MAD1L1: variants seen among roughly 807,000 people sequenced by gnomAD.
MAD1L1 encodes the protein mitotic spindle assembly checkpoint protein MAD1.
A neutral mutation model predicts 96.9 loss-of-function variants in MAD1L1; 95 were observed. The observed-to-expected ratio is 0.98, with a 90% confidence interval of 0.83 to 1.16. The LOEUF (loss-of-function observed/expected upper bound fraction) is 1.16. Ranked by LOEUF, MAD1L1 falls within the 50% of genes most tolerant of loss-of-function variation. MAD1L1 has a pLI of 0.00. For synonymous variants in MAD1L1, 473 were observed against 396.6 expected (o/e 1.19, Z -2.29); for missense variants, 1,007 against 954.4 (o/e 1.06, Z -0.73).
intron 16 of MAD1L1, among the ~76,000 whole-genome samples, chr7:1,949,242 G>A (rs1251751494): frequency 6.6e-6 from 1 of 152,158 alleles, no homozygotes; most frequent in African/African-American, 2.4e-5. Flanking sequence ...TGGTGGCTAT[G>A]GTGACCTACC....
intron 17 of MAD1L1, among the ~76,000 whole-genome samples, chr7:1,925,532 A>G (rs1789038839): frequency 1.3e-5 from 2 of 152,230 alleles, no homozygotes; most frequent in African/African-American, 4.8e-5. Context: ...GGGCAGATAC[A>G]GAGAGCCAAC....
chr7:2,164,924 G>A (rs1790351042), intron 10 of MAD1L1, among the ~76,000 whole-genome samples: 1 of 152,224 alleles, frequency 6.6e-6, no homozygotes, highest in Non-Finnish European at 1.5e-5. Context: ...GGCCGGATCT[G>A]GAGAAGAGTG....
At chr7:2,010,378 A>T (rs1782240757) in intron 13 of MAD1L1, among the ~76,000 whole-genome samples, 1 of 152,116 alleles carries the variant, frequency 6.6e-6, no homozygotes, top group Non-Finnish European at 1.5e-5. Context: ...CTGCAACCTG[A>T]AACGGGGATT....
chr7:1,923,110 G>A (rs1273898921), intron 17 of MAD1L1, among the ~76,000 whole-genome samples: 2 of 152,164 alleles, frequency 1.3e-5, no homozygotes, highest in African/African-American at 4.8e-5. Flanking sequence ...TAAGTGTTTG[G>A]TAGAATTCAC....
intron 13 of MAD1L1, among the ~76,000 whole-genome samples, chr7:2,006,413 G>A (rs953651133): frequency 5.3e-5 from 8 of 152,132 alleles, no homozygotes; most frequent in African/African-American, 1.9e-4. Flanking sequence ...GTGGAGGGAG[G>A]GTGTGAGAAG....
intron 18 of MAD1L1, among the ~76,000 whole-genome samples, chr7:1,831,466 C>A (rs62435120): frequency 0.33 from 50,208 of 150,962 alleles, 8,572 homozygotes; most frequent in Non-Finnish European, 0.41. Flanking sequence ...AAACCAGGCC[C>A]ATTAATAACC....
intron 16 of MAD1L1, among the ~76,000 whole-genome samples, chr7:1,944,474 T>TGGCG (rs1779140413): frequency 1.3e-5 from 2 of 152,156 alleles, no homozygotes; most frequent in Non-Finnish European, 2.9e-5. Flanking sequence ...AACCAGCCTC[T>TGGCG]TCCTTTGCAT....
intron 18 of MAD1L1, among the ~76,000 whole-genome samples, chr7:1,835,795 TTTC>T (rs1782911837): frequency 6.6e-6 from 1 of 152,222 alleles, no homozygotes; most frequent in African/African-American, 2.4e-5. Flanking sequence ...TTATACTGTA[TTTC>T]TTGATTATAT....
At position 1,865,424 on chromosome 7, in the gene MAD1L1, G is replaced by A. The variant is rs955007440; in HGVS notation, c.1998+32776C>T. ...TGCTGCTGCCCGGCTGTAGCCCTGAGTGCCCACAGCAGAGCTTTCAGAGGT... is the reference window on the plus strand; with the variant it reads ...TGCTGCTGCCCGGCTGTAGCCCTGAATGCCCACAGCAGAGCTTTCAGAGGT... On this transcript the variant is annotated intron_variant, in intron 18 of 18. Coordinates refer to ENST00000265854, the MANE Select transcript of MAD1L1 (RefSeq NM_001013836.2). 2.0e-5 allele frequency among the ~76,000 whole-genome samples: 3 copies of A among 152,256 alleles called. No homozygotes were observed. The East Asian group carries it at 5.8e-4, about 29-fold the overall frequency.
intron 18 of MAD1L1, among the ~76,000 whole-genome samples, chr7:1,836,599 ATAGAT>A (rs754809980): frequency 6.6e-6 from 1 of 152,230 alleles, no homozygotes; most frequent in Non-Finnish European, 1.5e-5. Context: ...GAAACTGTTC[ATAGAT>A]TAGAAGTTTC....
intron 10 of MAD1L1, among the ~76,000 whole-genome samples, chr7:2,212,249 G>A (rs976683878): frequency 3.3e-5 from 5 of 152,208 alleles, no homozygotes; most frequent in Non-Finnish European, 7.3e-5. Context: ...ACCATCCCCA[G>A]CACCCAGGGT....
chr7:2,171,694 T>G lies in MAD1L1; in HGVS notation c.987-22456A>C, dbSNP rs191241011. Among the ~76,000 whole-genome samples the G allele has an allele frequency of 2.5e-4, 32 of 128,788 alleles. No individual in the cohort carries two copies. In the East Asian group the frequency reaches 5.3e-3, roughly 21 times the overall value. The allele number at this position is 128,788 out of a possible 152,430, so 84.5% of individuals were successfully genotyped here. On this transcript the variant is annotated intron_variant, in intron 10 of 18. Transcript: ENST00000265854. ...GTATAGTCACCTCCGCCATGCAAAG[T>G]ACAGCAGAAAAGTCCAGCAGCTGGA... is the stretch of plus-strand genomic sequence containing the variant.
chr7:1,824,552 C>A (rs546966145), intron 18 of MAD1L1, among the ~76,000 whole-genome samples: 5 of 152,252 alleles, frequency 3.3e-5, no homozygotes, highest in African/African-American at 1.2e-4. Context: ...GAGCTGCTCC[C>A]GGCCTTGTCC....
chr7:2,046,185 G>A (rs1256109396), intron 12 of MAD1L1, among the ~76,000 whole-genome samples: 4 of 152,142 alleles, frequency 2.6e-5, no homozygotes, highest in Non-Finnish European at 4.4e-5. Flanking sequence ...CTGAAGCCCC[G>A]CCCTCCCTAC....
chr7:2,114,411 G>A lies in MAD1L1; in HGVS notation c.1073+34741C>T, dbSNP rs988783323. On this transcript the variant is annotated intron_variant, in intron 11 of 18. Transcript: ENST00000265854. The surrounding 1 kb of genome is among the most constrained non-coding windows in gnomAD (Gnocchi z 4.2). The stretch of plus-strand genomic sequence containing the variant: ...CCAGCCGGGGCCAACACCAGAGGAC[G>A]CCATCCTCCTTAAGGCCACAAAGTG... 3.9e-5 allele frequency among the ~76,000 whole-genome samples: 6 copies of A among 152,204 alleles called. No homozygotes were observed. The highest frequency in any genetic ancestry group is 1.3e-4 in the Admixed American group (2 of 15,276).
chr7:1,965,492 C>T (rs980469042), intron 15 of MAD1L1, among the ~76,000 whole-genome samples: 1 of 152,226 alleles, frequency 6.6e-6, no homozygotes, highest in African/African-American at 2.4e-5. Flanking sequence ...TGCCACCATC[C>T]AGGCAGTGGT....
chr7:1,832,630 T>TTTTGGGGGGGGGGGGGG (rs56664541), intron 18 of MAD1L1, among the ~76,000 whole-genome samples: 1 of 2,346 alleles, frequency 4.3e-4, no homozygotes, highest in African/African-American at 1.8e-3. Flanking sequence ...TTTTTTTTTT[T>TTTTGGGGGGGGGGGGGG]GGCGGGGGGG....
At chr7:1,908,384 GTTTGT>G (rs1212523241) in intron 17 of MAD1L1, among the ~76,000 whole-genome samples, 8 of 152,098 alleles carry the variant, frequency 5.3e-5, no homozygotes, top group Admixed American at 2.0e-4. Flanking sequence ...CTTCAGTTGT[GTTTGT>G]TTTGTTTTTT....
chr7:1,976,129 G>C (rs1459059866), intron 15 of MAD1L1, among the ~76,000 whole-genome samples: 3 of 152,244 alleles, frequency 2.0e-5, no homozygotes, highest in Non-Finnish European at 4.4e-5. Context: ...ATGTGAAAAT[G>C]TGAGTGTGCA....
Sources: allele counts gnomAD v4.1 joint callset (sites outside exome capture counted in the v4.1 genomes callset), GRCh38; gene constraint gnomAD v4.1.1; non-coding constraint Gnocchi (gnomAD v3.1); transcripts MANE v1.5; gene names NCBI Gene and HGNC (gene_info 2026-07-23, HGNC 2026-07-21).